Variants in TCF12 observed in about 807,000 individuals in gnomAD.
The protein encoded by TCF12 is transcription factor 12, also known as DNA-binding protein HTF4.
A neutral mutation model predicts 86.0 loss-of-function variants in TCF12; 45 were observed. That is an observed-to-expected ratio of 0.52 (90% CI 0.41 to 0.67). The LOEUF (loss-of-function observed/expected upper bound fraction) is 0.67. Ranked by LOEUF, TCF12 falls within the 30% of genes least tolerant of loss-of-function variation. TCF12 has a pLI of 0.00. For synonymous variants in TCF12, 330 were observed against 299.6 expected (o/e 1.10, Z -1.05); for missense variants, 881 against 859.9 (o/e 1.02, Z -0.31).
intron 4 of TCF12, among the ~76,000 whole-genome samples, chr15:57,074,314 G>A (rs1350121050): frequency 4.5e-5 from 6 of 134,422 alleles, no homozygotes; most frequent in African/African-American, 1.7e-4. Context: ...TCTATACATT[G>A]TTCTTCTTTT....
intron 8 of TCF12, among the ~76,000 whole-genome samples, chr15:57,207,583 A>G (rs2057892497): frequency 6.6e-6 from 1 of 152,150 alleles, no homozygotes; most frequent in South Asian, 2.1e-4. Context: ...AGGCAGGAGA[A>G]TCACTTGAAC....
chr15:56,974,896 C>G (rs1811288241), intron 3 of TCF12, among the ~76,000 whole-genome samples: 1 of 151,972 alleles, frequency 6.6e-6, no homozygotes, highest in African/African-American at 2.4e-5. Flanking sequence ...CCAAAAAATT[C>G]ATTTAGAAGC....
chr15:57,281,466 G>A (rs1449512828), intron 19 of TCF12, among the ~76,000 whole-genome samples: 1 of 152,146 alleles, frequency 6.6e-6, no homozygotes, highest in Non-Finnish European at 1.5e-5. Flanking sequence ...CCAACCCCTG[G>A]GCCACGGACC....
At chr15:57,130,483 C>G (rs1195040339) in intron 5 of TCF12, among the ~76,000 whole-genome samples, 4 of 152,146 alleles carry the variant, frequency 2.6e-5, no homozygotes, top group African/African-American at 9.7e-5. Flanking sequence ...AACCCCTACT[C>G]TTTTGGCAGG....
At chr15:57,007,036 C>T (rs1449497247) in intron 3 of TCF12, among the ~76,000 whole-genome samples, 8 of 152,092 alleles carry the variant, frequency 5.3e-5, no homozygotes, top group Non-Finnish European at 1.0e-4. Context: ...ATTACTGCTT[C>T]GTAATTGTGT....
chr15:57,019,147 G>C lies in TCF12; in HGVS notation c.149-44603G>C, dbSNP rs545612200. On this transcript the variant is annotated intron_variant, in intron 3 of 20. Coordinates refer to ENST00000333725, the MANE Select transcript of TCF12 (RefSeq NM_207037.2). ...TAGGCAAAGTTCTAATACTTTGGTA[G>C]CCAGCACTGGCTAAAGTGCAACTTG... Among the ~76,000 whole-genome samples, 5 of 152,332 alleles carry C rather than the reference G, an allele frequency of 3.3e-5. No individual in the cohort carries two copies. In the South Asian group the frequency reaches 1.0e-3, roughly 32 times the overall value.
Position 57,251,435 on chromosome 15 carries a change from T to C in TCF12, c.1188+12T>C, listed in dbSNP as rs2060112326. ...CACTCCACTCCCTGGTAAGAGCCTC[T>C]TATACATCAGTTTTATCTGATAGCT... On this transcript the variant is annotated intron_variant, in intron 14 of 20. Transcript: ENST00000333725. The C allele has an allele frequency of 6.2e-7, 1 of 1,613,236 alleles. No individual in the cohort carries two copies. The highest frequency in any genetic ancestry group is 1.7e-5 in the Admixed American group (1 of 59,970).
intron 19 of TCF12, among the ~76,000 whole-genome samples, chr15:57,280,040 C>T (rs2061613032): frequency 6.6e-6 from 1 of 151,972 alleles, no homozygotes; most frequent in African/African-American, 2.4e-5. Context: ...ATTATAGGCA[C>T]CCGCCACCAC....
At chr15:57,050,458 T>C (rs1426992592) in intron 3 of TCF12, among the ~76,000 whole-genome samples, 1 of 152,176 alleles carries the variant, frequency 6.6e-6, no homozygotes, top group Non-Finnish European at 1.5e-5. Context: ...ATCTTTTTTC[T>C]CTCTGGTGAA....
intron 4 of TCF12, among the ~76,000 whole-genome samples, chr15:57,067,998 T>G (rs1025744106): frequency 2.6e-5 from 4 of 152,192 alleles, no homozygotes; most frequent in South Asian, 2.1e-4. Flanking sequence ...ATATTGTGGT[T>G]GTTCTTGTTC....
chr15:56,953,878 CT>C lies in TCF12; in HGVS notation c.148+32795del, dbSNP rs1223090053. 7.9e-3 allele frequency among the ~76,000 whole-genome samples: 1,034 copies of C among 131,584 alleles called. 5 individuals carry two copies. Among genetic ancestry groups the C allele is most frequent in the Non-Finnish European group, 0.012 (732 of 60,694 alleles). 86.3% of individuals were successfully genotyped at this position (131,584 alleles called of 152,430 possible). A position where few individuals can be genotyped will look rare whatever the true frequency, so the allele number is the denominator to read the frequency against. ...AGAACCAGCTTTTGAGTTCCTTGGC[CT>C]TTTTTTTTTTTTTTCTCTATTTTTT... On this transcript the variant is annotated intron_variant, in intron 3 of 20. Transcript: ENST00000333725.
chr15:57,209,605 C>T (rs147959078), intron 8 of TCF12, among the ~76,000 whole-genome samples: 60 of 152,284 alleles, frequency 3.9e-4, no homozygotes, highest in African/African-American at 1.4e-3. Context: ...TCTAAACCAC[C>T]TTTACCTCTT....
intron 3 of TCF12, among the ~76,000 whole-genome samples, chr15:57,020,788 A>C (rs1273044730): frequency 6.6e-6 from 1 of 152,120 alleles, no homozygotes; most frequent in Non-Finnish European, 1.5e-5. Context: ...AACAATGCTA[A>C]GCTTTCTTTT....
At chr15:57,122,543 G>A (rs1040592934) in intron 5 of TCF12, among the ~76,000 whole-genome samples, 5 of 152,174 alleles carry the variant, frequency 3.3e-5, no homozygotes, top group East Asian at 1.9e-4. Flanking sequence ...TTGCTGCAGC[G>A]ACTATTAAGT....
Position 57,286,157 on chromosome 15 carries a change from T to TTCCAGA in TCF12, c.*13_*18dup, listed in dbSNP as rs1364012661. 2 of 163,048 alleles carry TTCCAGA rather than the reference T, an allele frequency of 1.2e-5. No homozygotes were observed. The highest frequency in any genetic ancestry group is 4.8e-5 in the African/African-American group (2 of 41,586). 10.1% of individuals were successfully genotyped at this position (163,048 alleles called of 1,614,324 possible). On this transcript the variant is annotated splice_region_variant and 3_prime_UTR_variant, in exon 21 of 21. Coordinates refer to ENST00000333725, the MANE Select transcript of TCF12 (RefSeq NM_207037.2). ...TCTCCCTTGGCTGTCCCTGCCACAG[T>TTCCAGA]TCCAGAGTTATCAGTAGGCTAGATA...
At chr15:57,178,474 A>C (rs888898695) in intron 6 of TCF12, among the ~76,000 whole-genome samples, 2 of 152,206 alleles carry the variant, frequency 1.3e-5, no homozygotes, top group African/African-American at 4.8e-5. Flanking sequence ...TGTTAAAGCT[A>C]GTATTAAAGA....
In TCF12 at chr15:57,114,723, C is replaced by T. The variant is rs529135701; in HGVS notation, c.325+22832C>T. ...AATTCCTCTCAATTGTTTCTAATTTCACAAAAATCTCAATGTTTTTATTTC... is the reference window on the plus strand; with the variant it reads ...AATTCCTCTCAATTGTTTCTAATTTTACAAAAATCTCAATGTTTTTATTTC... On this transcript the variant is annotated intron_variant, in intron 5 of 20. Transcript: ENST00000333725. Among the ~76,000 whole-genome samples the T allele has an allele frequency of 2.0e-5, 3 of 152,246 alleles. No homozygotes were observed. The East Asian group carries it at 5.8e-4, about 29-fold the overall frequency.
chr15:56,983,562 G>A (rs1332318621), intron 3 of TCF12, among the ~76,000 whole-genome samples: 2 of 152,040 alleles, frequency 1.3e-5, no homozygotes, highest in African/African-American at 4.8e-5. Flanking sequence ...ACATTTCCTA[G>A]AGAGATCTAT....
intron 3 of TCF12, among the ~76,000 whole-genome samples, chr15:56,970,341 A>G (rs1208008229): frequency 5.9e-5 from 9 of 151,918 alleles, no homozygotes; most frequent in Admixed American, 2.0e-4. Context: ...TTAGCTGGGC[A>G]TGGTGGCGCG....
Sources: allele counts gnomAD v4.1 joint callset (sites outside exome capture counted in the v4.1 genomes callset), GRCh38; gene constraint gnomAD v4.1.1; transcripts MANE v1.5; gene names NCBI Gene and HGNC (gene_info 2026-07-23, HGNC 2026-07-21).